Variants in PRKG1 observed in about 807,000 individuals in gnomAD.
PRKG1 encodes the protein protein kinase cGMP-dependent 1, also known as cGMP-dependent protein kinase 1.
Under a neutral mutation model 88.1 loss-of-function variants are expected in PRKG1, and 35 were observed. The ratio of observed to expected loss-of-function variants is 0.40; its 90% CI spans 0.30 to 0.53. The LOEUF is 0.53. Among genes scored for constraint, PRKG1 ranks in the 20% least tolerant of loss-of-function variants. The pLI is 0.59. For missense variants in PRKG1, 540 were observed against 839.8 expected, an observed-to-expected ratio of 0.64 and a Z score of 4.41; for synonymous variants, 303 against 292.5, an observed-to-expected ratio of 1.04 and a Z score of -0.37.
chr10:51,118,941 A>G (rs940825154), intron 1 of PRKG1, among the ~76,000 whole-genome samples: 9 of 152,106 alleles, frequency 5.9e-5, no homozygotes, highest in African/African-American at 2.2e-4. Context: ...TTAGTAACTG[A>G]TATGTTACTG....
intron 8 of PRKG1, among the ~76,000 whole-genome samples, chr10:52,140,514 C>A (rs1470525317): frequency 1.3e-5 from 2 of 152,136 alleles, no homozygotes; most frequent in Admixed American, 6.6e-5. Context: ...ATAGTTGATT[C>A]CTGCACCTCT....
chr10:51,906,765 A>G (rs180885590), intron 4 of PRKG1, among the ~76,000 whole-genome samples: 531 of 152,272 alleles, frequency 3.5e-3, no homozygotes, highest in African/African-American at 0.012. Context: ...AGCAAAGGGG[A>G]TTCTGTATAG....
Position 52,166,831 on chromosome 10 carries a change from ATATATATGTATATATATGTC to A in PRKG1, c.1076+4876_1076+4895del, listed in dbSNP as rs1564498544. Among the ~76,000 whole-genome samples, 105 of 3,602 alleles carry A rather than the reference ATATATATGTATATATATGTC, an allele frequency of 0.029. 2 individuals are homozygous for A. In the South Asian group the frequency reaches 0.45, roughly 15 times the overall value. 2.4% of individuals were successfully genotyped at this position (3,602 alleles called of 152,430 possible). ...TATGTATATATATGTATATATATGT[ATATATATGTATATATATGTC>A]TATATATATATCTGTATATGTGTAT... On this transcript the variant is annotated intron_variant, in intron 9 of 17. Coordinates refer to ENST00000373980, the MANE Select transcript of PRKG1 (RefSeq NM_006258.4).
intron 10 of PRKG1, among the ~76,000 whole-genome samples, chr10:52,260,389 C>A (rs563771053): frequency 6.6e-4 from 100 of 152,150 alleles, no homozygotes; most frequent in Non-Finnish European, 1.3e-3. Context: ...AACTGCAATG[C>A]AAAACCTTTC....
chr10:51,107,932 ATAT>A (rs1844885742), intron 1 of PRKG1, among the ~76,000 whole-genome samples: 1 of 152,054 alleles, frequency 6.6e-6, no homozygotes, highest in African/African-American at 2.4e-5. Context: ...AATTTCACAG[ATAT>A]TATGAGGATA....
At chr10:51,567,838 C>T (rs1009401539) in intron 3 of PRKG1, among the ~76,000 whole-genome samples, 3 of 152,070 alleles carry the variant, frequency 2.0e-5, no homozygotes, top group African/African-American at 7.2e-5. Context: ...CTGCCCACCT[C>T]AGCCTCTCAA....
chr10:51,779,386 C>T (rs139917640), intron 3 of PRKG1, among the ~76,000 whole-genome samples: 36 of 152,170 alleles, frequency 2.4e-4, no homozygotes, highest in Non-Finnish European at 1.6e-4. Context: ...CTGGGAGATA[C>T]CAAAGACAGC....
chr10:51,027,252 G>A (rs1278495185), intron 1 of PRKG1, among the ~76,000 whole-genome samples: 59 of 152,112 alleles, frequency 3.9e-4, no homozygotes, highest in Non-Finnish European at 1.6e-4. Context: ...TTATTAGCTG[G>A]CTTTAGCATC....
chr10:51,803,020 C>G (rs1839215627), intron 3 of PRKG1, among the ~76,000 whole-genome samples: 1 of 152,114 alleles, frequency 6.6e-6, no homozygotes, highest in South Asian at 2.1e-4. Flanking sequence ...TTGCCCACCT[C>G]TTTTGTAGCT....
intron 2 of PRKG1, among the ~76,000 whole-genome samples, chr10:51,275,634 C>T (rs192692008): frequency 3.9e-5 from 6 of 152,196 alleles, no homozygotes; most frequent in South Asian, 4.1e-4. Context: ...TTTCACTTAA[C>T]GAGCACATAT....
At chr10:51,165,209 A>T (rs1415394641) in intron 2 of PRKG1, among the ~76,000 whole-genome samples, 1 of 152,174 alleles carries the variant, frequency 6.6e-6, no homozygotes, top group Non-Finnish European at 1.5e-5. Context: ...CTCAGCAGAA[A>T]CTCTACAAGC....
chr10:51,756,769 C>G (rs56355603), intron 3 of PRKG1, among the ~76,000 whole-genome samples: 3 of 148,570 alleles, frequency 2.0e-5, no homozygotes, highest in Non-Finnish European at 4.5e-5. Flanking sequence ...GAGCTGAGAT[C>G]GCGCCACTGC....
At chr10:51,406,933 C>T (rs905164194) in intron 2 of PRKG1, among the ~76,000 whole-genome samples, 1 of 152,156 alleles carries the variant, frequency 6.6e-6, no homozygotes, top group African/African-American at 2.4e-5. Flanking sequence ...AGGACCAGTC[C>T]GAGTTCCAAA....
chr10:51,579,673 A>G (rs1370602592), intron 3 of PRKG1, among the ~76,000 whole-genome samples: 3 of 152,158 alleles, frequency 2.0e-5, no homozygotes, highest in African/African-American at 7.2e-5. Context: ...TATTAACTAT[A>G]TGAGGAGACT....
At chr10:52,217,300 C>T (rs113536900) in intron 9 of PRKG1, among the ~76,000 whole-genome samples, 5 of 151,508 alleles carry the variant, frequency 3.3e-5, no homozygotes, top group African/African-American at 7.3e-5. Flanking sequence ...GAGAGATGTG[C>T]GGGGTAAATA....
intron 2 of PRKG1, among the ~76,000 whole-genome samples, chr10:51,215,252 G>A (rs940668084): frequency 1.3e-5 from 2 of 152,148 alleles, no homozygotes; most frequent in Non-Finnish European, 2.9e-5. Context: ...GAAAGAATCC[G>A]CAAATGCTTA....
intron 5 of PRKG1, among the ~76,000 whole-genome samples, chr10:52,025,475 C>T (rs529571348): frequency 6.6e-6 from 1 of 152,098 alleles, no homozygotes. Flanking sequence ...ACATTTAAGT[C>T]TTTAATCCAT....
intron 2 of PRKG1, among the ~76,000 whole-genome samples, chr10:51,177,508 C>T (rs1040902638): frequency 6.6e-6 from 1 of 152,146 alleles, no homozygotes; most frequent in African/African-American, 2.4e-5. Context: ...CTTTCAATGA[C>T]CACATCACAT....
chr10:51,563,649 C>T (rs1360301062), intron 3 of PRKG1, among the ~76,000 whole-genome samples: 1 of 151,980 alleles, frequency 6.6e-6, no homozygotes, highest in African/African-American at 2.4e-5. Flanking sequence ...TGGAAAAGCA[C>T]ATGTATAGTA....
Sources: allele counts gnomAD v4.1 joint callset (sites outside exome capture counted in the v4.1 genomes callset), GRCh38; gene constraint gnomAD v4.1.1; transcripts MANE v1.5; gene names NCBI Gene and HGNC (gene_info 2026-07-23, HGNC 2026-07-21).